NUDC: variants seen among roughly 807,000 people sequenced by gnomAD.
NUDC encodes the protein nuclear migration protein nudC.
Under a neutral mutation model 45.0 loss-of-function variants are expected in NUDC, and 14 were observed. The observed-to-expected ratio is 0.31, with a 90% CI of 0.21 to 0.49. NUDC has a LOEUF of 0.49. Among genes scored for constraint, NUDC ranks in the 20% least tolerant of loss-of-function variants. The pLI, the probability that NUDC is intolerant of heterozygous loss-of-function variation, is 0.99. For missense variants in NUDC, 323 were observed against 426.2 expected (o/e 0.76, Z 2.13); for synonymous variants, 153 against 156.7 (o/e 0.98, Z 0.17).
intron 1 of NUDC, among the ~76,000 whole-genome samples, chr1:26,923,289 G>A (rs1191817906): frequency 6.6e-6 from 1 of 152,144 alleles, no homozygotes; most frequent in Non-Finnish European, 1.5e-5. Context: ...CCTAGAAATA[G>A]GTACTGCATC....
intron 2 of NUDC, among the ~76,000 whole-genome samples, chr1:26,902,934 A>T (rs1171584783): frequency 6.6e-6 from 1 of 151,964 alleles, no homozygotes; most frequent in African/African-American, 2.4e-5. Context: ...CTGTAATCTC[A>T]GCTCCTCAGG....
upstream of NUDC, among the ~76,000 whole-genome samples, chr1:26,920,280 A>T (rs1222965200): frequency 6.6e-6 from 1 of 152,114 alleles, no homozygotes; most frequent in South Asian, 2.1e-4. Context: ...ACTTGAGGTC[A>T]GGAGTTTGAA....
At chr1:26,939,381 C>T (rs2082259761) in intron 2 of NUDC, among the ~76,000 whole-genome samples, 1 of 151,820 alleles carries the variant, frequency 6.6e-6, no homozygotes, top group South Asian at 2.1e-4. Flanking sequence ...AATCCCAGCA[C>T]TTTGGGAAGA....
Position 26,911,994 on chromosome 1 carries a change from C to T in NUDC, c.93+759C>T, listed in dbSNP as rs1302253433. On this transcript the variant is annotated intron_variant, in intron 3 of 6. Transcript: ENST00000435827. Reference sequence around the variant, plus strand: ...ACACGGGTCAGGCGGCCTTGGGCTGCTGGGCACCAGGGTTCCAGGACTTCA... The same window carrying T: ...ACACGGGTCAGGCGGCCTTGGGCTGTTGGGCACCAGGGTTCCAGGACTTCA... The T allele has an allele frequency of 1.9e-6, 3 of 1,614,094 alleles. No homozygotes were observed. In the African/African-American group the frequency reaches 4.0e-5, roughly 22 times the overall value.
intron 6 of NUDC, chr1:26,945,068 C>T: frequency 2.5e-6 from 1 of 392,236 alleles, no homozygotes. Flanking sequence ...TTATTTTCTT[C>T]CCATTTTAAA....
chr1:26,938,362 G>A (rs1206126205), intron 2 of NUDC, among the ~76,000 whole-genome samples: 1 of 152,178 alleles, frequency 6.6e-6, no homozygotes, highest in Non-Finnish European at 1.5e-5. Context: ...GCTGGGAGAG[G>A]GGAGGGCCCT....
At chr1:26,943,204 C>A in intron 6 of NUDC, 139 bp downstream of exon 6, 1 of 926,548 alleles carries the variant, frequency 1.1e-6, no homozygotes, top group Non-Finnish European at 1.7e-6. Flanking sequence ...TAAAGTAGAT[C>A]TGTCTCTATT....
chr1:26,910,189 C>T (rs1416695575), intron 2 of NUDC, among the ~76,000 whole-genome samples: 1 of 152,146 alleles, frequency 6.6e-6, no homozygotes, highest in Non-Finnish European at 1.5e-5. Context: ...TGGGGGTCTG[C>T]AGTACATTGC....
intron 2 of NUDC, among the ~76,000 whole-genome samples, chr1:26,904,923 G>A (rs1022962886): frequency 2.0e-5 from 3 of 148,748 alleles, no homozygotes; most frequent in African/African-American, 4.9e-5. Flanking sequence ...TACAACCTCC[G>A]CCTCCTGGGT....
Position 26,912,181 on chromosome 1 carries a change from C to G in NUDC, c.93+946C>G, listed in dbSNP as rs2082032141. ...CAAGATCTGGGCCATCAGAGACACC[C>G]CTCTGCCTCCTTTGCTCGGCCTTTG... On this transcript the variant is annotated intron_variant, in intron 3 of 6. Coordinates refer to the NUDC transcript ENST00000435827. The G allele has an allele frequency of 2.2e-5, 32 of 1,480,526 alleles. No individual in the cohort carries two copies. In the South Asian group the frequency reaches 2.8e-4, roughly 13 times the overall value. 91.7% of individuals were successfully genotyped at this position (1,480,526 alleles called of 1,614,324 possible). A position where few individuals can be genotyped will look rare whatever the true frequency, so the allele number is the denominator to read the frequency against.
intron 2 of NUDC, among the ~76,000 whole-genome samples, chr1:26,935,267 G>C (rs1329698169): frequency 2.0e-5 from 3 of 151,950 alleles, no homozygotes; most frequent in Non-Finnish European, 4.4e-5. Context: ...ACAGGCGTGA[G>C]CCACCGTGCC....
intron 6 of NUDC, 55 bp downstream of exon 6, chr1:26,943,120 A>T (rs981448496): frequency 6.3e-7 from 1 of 1,577,292 alleles, no homozygotes; most frequent in Admixed American, 1.7e-5. Flanking sequence ...AGAAGGGAGG[A>T]TGTGTGCTTA....
upstream of NUDC, among the ~76,000 whole-genome samples, chr1:26,918,082 C>G (rs2082070552): frequency 6.6e-6 from 1 of 151,978 alleles, no homozygotes; most frequent in Admixed American, 6.6e-5. Context: ...AAGCTCATAT[C>G]ATGGGGTTCA....
At chr1:26,929,514 G>T (rs893905524) in intron 2 of NUDC, among the ~76,000 whole-genome samples, 1 of 152,128 alleles carries the variant, frequency 6.6e-6, no homozygotes, top group African/African-American at 2.4e-5. Context: ...TTGAGAGTAT[G>T]CAGGAGGATG....
At chr1:26,938,740 G>C (rs2082254283) in intron 2 of NUDC, among the ~76,000 whole-genome samples, 1 of 152,220 alleles carries the variant, frequency 6.6e-6, no homozygotes, top group South Asian at 2.1e-4. Flanking sequence ...TTTCCCTGCA[G>C]TTCTGCCTTA....
At chr1:26,900,586 G>A in intron 1 of NUDC, 2 of 678,918 alleles carry the variant, frequency 2.9e-6, no homozygotes, top group South Asian at 1.9e-5. Flanking sequence ...AAGATCCGAA[G>A]TCTTCTGTGT....
chr1:26,944,184 A>G (rs533875805), intron 6 of NUDC, among the ~76,000 whole-genome samples: 67 of 151,410 alleles, frequency 4.4e-4, no homozygotes, highest in Middle Eastern at 6.9e-3. Flanking sequence ...GTGAGCCACC[A>G]TGCCCAGCCC....
At chr1:26,911,307 C>T (rs1173068463) in intron 3 of NUDC, 1 of 390,384 alleles carries the variant, frequency 2.6e-6, no homozygotes, top group Non-Finnish European at 5.2e-6. Flanking sequence ...GGAGAGCAAC[C>T]TCCTTCCCCT....
At chr1:26,902,457 T>G (rs1055348291) in intron 2 of NUDC, 1 of 152,272 alleles carries the variant, frequency 6.6e-6, no homozygotes, top group African/African-American at 2.4e-5. Context: ...CTCCTCTGTA[T>G]GAGAGAAGAA....
Sources: allele counts gnomAD v4.1 joint callset (sites outside exome capture counted in the v4.1 genomes callset), GRCh38; gene constraint gnomAD v4.1.1; transcripts MANE v1.5; gene names NCBI Gene and HGNC (gene_info 2026-07-23, HGNC 2026-07-21).